Variants in DPP6 observed in about 807,000 individuals in gnomAD.
DPP6 encodes the protein A-type potassium channel modulatory protein DPP6.
Under a neutral mutation model 122.6 loss-of-function variants are expected in DPP6, and 69 were observed. The ratio of observed to expected loss-of-function variants is 0.56; its 90% CI spans 0.46 to 0.69. The LOEUF (loss-of-function observed/expected upper bound fraction) is 0.69, where lower values mean the gene tolerates loss of function less well. Ranked by LOEUF, DPP6 falls within the 30% of genes least tolerant of loss-of-function variation. DPP6 has a pLI of 0.00. For synonymous variants in DPP6, 418 were observed against 433.1 expected, an observed-to-expected ratio of 0.97 and a Z score of 0.43; for missense variants, 928 against 1,116.9, an observed-to-expected ratio of 0.83 and a Z score of 2.41.
chr7:154,290,269 T>C (rs1446321403), intron 1 of DPP6, among the ~76,000 whole-genome samples: 1 of 152,214 alleles, frequency 6.6e-6, no homozygotes, highest in Non-Finnish European at 1.5e-5. Context: ...ATCATTTTAA[T>C]TTTAAGTTTT....
At chr7:154,173,226 T>C (rs1797623824) in intron 1 of DPP6, among the ~76,000 whole-genome samples, 1 of 152,220 alleles carries the variant, frequency 6.6e-6, no homozygotes, top group South Asian at 2.1e-4. Flanking sequence ...GGTTTCTGAC[T>C]GTGCCAGCGT....
chr7:153,762,005 T>C, the DPP6 span, among the ~76,000 whole-genome samples: 1 of 152,192 alleles, frequency 6.6e-6, no homozygotes, highest in African/African-American at 2.4e-5. Context: ...TTGCCAAAGA[T>C]AATGGGACTT....
chr7:154,194,110 A>G (rs1005181793), intron 1 of DPP6, among the ~76,000 whole-genome samples: 1 of 152,150 alleles, frequency 6.6e-6, no homozygotes, highest in South Asian at 2.1e-4. Flanking sequence ...TACTTTGACA[A>G]AATTCTTATT....
At chr7:154,748,402 C>A (rs1377928149) in intron 8 of DPP6, among the ~76,000 whole-genome samples, 1 of 152,246 alleles carries the variant, frequency 6.6e-6, no homozygotes, top group Non-Finnish European at 1.5e-5. Flanking sequence ...GTTACCCTTC[C>A]CCTCCCATCC....
chr7:154,113,619 T>C (rs1253214327), intron 1 of DPP6, among the ~76,000 whole-genome samples: 2 of 152,194 alleles, frequency 1.3e-5, no homozygotes, highest in African/African-American at 4.8e-5. Context: ...TTTTTGCTTT[T>C]GTTTCTTGTG....
chr7:153,818,687 G>C, the DPP6 span, among the ~76,000 whole-genome samples: 1 of 151,756 alleles, frequency 6.6e-6, no homozygotes, highest in South Asian at 2.1e-4. Flanking sequence ...ACTGAGTTTA[G>C]GCTGGTGGTG....
chr7:153,945,964 T>C (rs1801930159), intron 1 of DPP6, among the ~76,000 whole-genome samples: 1 of 152,192 alleles, frequency 6.6e-6, no homozygotes, highest in Non-Finnish European at 1.5e-5. Flanking sequence ...GTGGCCACCT[T>C]CTGAGGGTTC....
rs372444601 is a variant in DPP6, at chr7:154,680,686, A to ATATTT, written c.762+11246_762+11247insATTTT. ...TTGGTTAAAGCAACATTATATATATATTTTTTTTAAAAAAAAATTAAAAAG... is the reference window on the plus strand; with the variant it reads ...TTGGTTAAAGCAACATTATATATATATATTTTTTTTTTTAAAAAAAAATTAAAAAG... On this transcript the variant is annotated intron_variant, in intron 7 of 25. Transcript: ENST00000377770. 6.3e-3 allele frequency among the ~76,000 whole-genome samples: 840 copies of ATATTT among 133,494 alleles called. 4 individuals carry two copies. The highest frequency in any genetic ancestry group is 0.016 in the East Asian group (71 of 4,426). The allele number at this position is 133,494 out of a possible 152,430, so 87.6% of individuals were successfully genotyped here.
Position 154,701,218 on chromosome 7 carries a change from C to T in DPP6, c.763-26549C>T, listed in dbSNP as rs148789674. On this transcript the variant is annotated intron_variant, in intron 7 of 25. Coordinates refer to ENST00000377770, the MANE Select transcript of DPP6 (RefSeq NM_130797.4). ...CAGAGCTCTTCCAGTCTTCCTGTCC[C>T]GCTTTGCACGCTCACCACAGACTGG... 2.0e-4 allele frequency among the ~76,000 whole-genome samples: 30 copies of T among 152,210 alleles called. 1 individual carries two copies. The highest frequency in any genetic ancestry group is 7.2e-4 in the African/African-American group (30 of 41,538).
upstream of DPP6, among the ~76,000 whole-genome samples, chr7:153,885,389 G>A (rs562904143): frequency 1.3e-3 from 191 of 152,130 alleles, 1 homozygote; most frequent in African/African-American, 4.5e-3. Context: ...CAGGGTGATG[G>A]TGTTAGGGGC....
chr7:154,036,019 CTTGTGTGTGT>C (rs1486007269), intron 1 of DPP6, among the ~76,000 whole-genome samples: 75 of 148,378 alleles, frequency 5.1e-4, no homozygotes, highest in African/African-American at 1.2e-3. Context: ...CGCGCGCGCG[CTTGTGTGTGT>C]GTGTGTGTGT....
rs142936999 is a variant in DPP6 at position 153,959,637 on chromosome 7, A to G, written c.51+71903A>G. 4.2e-3 allele frequency among the ~76,000 whole-genome samples: 647 copies of G among 152,338 alleles called. 5 individuals carry two copies. The highest frequency in any genetic ancestry group is 0.015 in the African/African-American group (624 of 41,574). ...AGCTTCCTCATTTTTCTCAGCCTCCATAGAATTGAATTGAAGAGAGGTAGG... is the reference window on the plus strand; with the variant it reads ...AGCTTCCTCATTTTTCTCAGCCTCCGTAGAATTGAATTGAAGAGAGGTAGG... On this transcript the variant is annotated intron_variant, in intron 1 of 25. Coordinates refer to the DPP6 transcript ENST00000404039.
At chr7:153,972,886 A>G (rs566557815) in intron 1 of DPP6, among the ~76,000 whole-genome samples, 9 of 152,214 alleles carry the variant, frequency 5.9e-5, no homozygotes, top group African/African-American at 2.2e-4. Flanking sequence ...CTCACATAAA[A>G]TAGACCACGT....
chr7:153,955,153 A>G (rs1385010105), intron 1 of DPP6, among the ~76,000 whole-genome samples: 1 of 152,222 alleles, frequency 6.6e-6, no homozygotes, highest in Non-Finnish European at 1.5e-5. Context: ...AAGATGGAGG[A>G]AAATCTTCTG....
chr7:153,910,024 A>G (rs948457897), intron 1 of DPP6, among the ~76,000 whole-genome samples: 5 of 152,132 alleles, frequency 3.3e-5, no homozygotes, highest in Admixed American at 1.3e-4. Context: ...GAGAGGGTAT[A>G]TAAGCTTTCG....
At chr7:154,582,036 G>A (rs917781949) in intron 5 of DPP6, among the ~76,000 whole-genome samples, 23 of 152,310 alleles carry the variant, frequency 1.5e-4, no homozygotes, top group African/African-American at 4.3e-4. Flanking sequence ...TTCCTCAAGG[G>A]CAGCTGCCCT....
At position 154,552,894 on chromosome 7, in the gene DPP6, A is replaced by G. The variant is rs115417796; in HGVS notation, c.552+12268A>G. ...GAAAATTAGTAAAACTTCTTGATTC[A>G]GAAACAGATCAGCATTTTTTCAATG... is the stretch of plus-strand genomic sequence containing the variant. On this transcript the variant is annotated intron_variant, in intron 4 of 25. Transcript: ENST00000377770. Among the ~76,000 whole-genome samples the G allele has an allele frequency of 3.2e-3, 486 of 152,348 alleles. 4 individuals are homozygous for G. The highest frequency in any genetic ancestry group is 0.011 in the African/African-American group (474 of 41,578).
intron 1 of DPP6, among the ~76,000 whole-genome samples, chr7:153,996,376 C>T (rs2533579): frequency 1.2e-3 from 189 of 152,162 alleles, no homozygotes; most frequent in African/African-American, 4.4e-3. Flanking sequence ...GATGTAGGGA[C>T]GGAGAAGTTC....
chr7:154,593,216 A>T (rs1049392941), intron 5 of DPP6, among the ~76,000 whole-genome samples: 1 of 152,150 alleles, frequency 6.6e-6, no homozygotes, highest in African/African-American at 2.4e-5. Context: ...AGTTTACCGC[A>T]CTCTGTGAGA....
Sources: allele counts gnomAD v4.1 joint callset (sites outside exome capture counted in the v4.1 genomes callset), GRCh38; gene constraint gnomAD v4.1.1; transcripts MANE v1.5; gene names NCBI Gene and HGNC (gene_info 2026-07-23, HGNC 2026-07-21).